Variants in FBXW5 observed in about 807,000 individuals in gnomAD.
The protein encoded by FBXW5 is F-box and WD repeat domain containing 5.
Under a neutral mutation model 50.9 loss-of-function variants are expected in FBXW5, and 74 were observed. That is an observed-to-expected ratio of 1.45 (90% CI 1.20 to 1.76). The LOEUF (loss-of-function observed/expected upper bound fraction) is 1.76. Among genes scored for constraint, FBXW5 ranks in the 40% most tolerant of loss-of-function variants. The probability of loss-of-function intolerance (pLI) is 0.00; values close to 1 mark genes in which losing one functional copy is unlikely to be tolerated. For missense variants in FBXW5, 1,073 were observed against 818.8 expected (o/e 1.31, Z -3.79); for synonymous variants, 523 against 362.2 (o/e 1.44, Z -5.04).
Position 136,943,421 on chromosome 9 carries a change from G to A in FBXW5, c.279C>T (p.Asp93=). The change falls in exon 3 of 9, where the codon GAC becomes GAT. Residue 93 remains aspartate (D), a synonymous_variant. Transcript: ENST00000325285. Reference sequence around the variant, plus strand: ...GGGAGAAGCTGAGGTGCAGGACCTGGTCTGTGTGTTCCCGCAGCGTCTGCA... The same window carrying A: ...GGGAGAAGCTGAGGTGCAGGACCTGATCTGTGTGTTCCCGCAGCGTCTGCA... ...VEVQTLREHT[D]QVLHLSFSHS... 1.9e-6 allele frequency: 3 copies of A among 1,612,912 alleles called. No individual in the cohort carries two copies. The highest frequency in any genetic ancestry group is 2.5e-6 in the Non-Finnish European group (3 of 1,179,980).
rs1303669057 is a variant in FBXW5, at chr9:136,944,475, CCGGCGGGCTCGGGGCGGA to C, written c.-24+101_-24+118del. 9.2e-6 allele frequency: 9 copies of C among 981,970 alleles called. No individual in the cohort carries two copies. The Admixed American group carries it at 1.8e-4, about 20-fold the overall frequency. The allele number at this position is 981,970 out of a possible 1,614,324, so 60.8% of individuals were successfully genotyped here. On this transcript the variant is annotated intron_variant, in intron 1 of 8. Coordinates refer to ENST00000325285, the MANE Select transcript of FBXW5 (RefSeq NM_018998.4). The stretch of plus-strand genomic sequence containing the variant: ...CCCTGCGGCCCTGGAGCAGCTCTGC[CCGGCGGGCTCGGGGCGGA>C]CGGCGGGGACGAGCGCACGGGCGGC...
At position 136,941,684 on chromosome 9, in the gene FBXW5, C is replaced by G; in HGVS notation, c.1097G>C (p.Gly366Ala). ...CTGGTGTGGCAGGATCTGCTTGATG[C>G]CTGCAGGGAGGGCTACGGTGAGGGT... ...GCLTYSPHQI[G>A]IKQILPHQMT... The change falls in exon 7 of 9, where the codon GGC becomes GCC. Residue 366 changes from glycine to alanine, a missense_variant and splice_region_variant. By Grantham distance (60) the Gly-to-Ala change is moderately conservative (BLOSUM62 0). Coordinates refer to ENST00000325285, the MANE Select transcript of FBXW5 (RefSeq NM_018998.4). 6.4e-7 allele frequency: 1 copy of G among 1,555,392 alleles called. No homozygotes were observed. The highest frequency in any genetic ancestry group is 8.7e-7 in the Non-Finnish European group (1 of 1,150,698).
chr9:136,944,433 C>A, intron 1 of FBXW5, 161 bp downstream of exon 1: 1 of 900,410 alleles, frequency 1.1e-6, no homozygotes, highest in Non-Finnish European at 1.3e-6. Flanking sequence ...CTCGGGGCGG[C>A]CAGGCAGTGG....
Position 136,941,177 on chromosome 9 carries a change from G to T in FBXW5, c.1458-6C>A, listed in dbSNP as rs1175592154. The stretch of plus-strand genomic sequence containing the variant: ...CGTGCCGGTCCTCCGCCCCGCTGCA[G>T]AACAGCGCCTGGGTGAGCCGGCCGC... On this transcript the variant is annotated splice_polypyrimidine_tract_variant and splice_region_variant and intron_variant, in intron 8 of 8. Coordinates refer to ENST00000325285, the MANE Select transcript of FBXW5 (RefSeq NM_018998.4). The T allele has an allele frequency of 1.1e-5, 18 of 1,601,868 alleles. No homozygotes were observed. Among genetic ancestry groups the T allele is most frequent in the Non-Finnish European group, 1.5e-5 (18 of 1,176,396 alleles).
chr9:136,943,314 T>G, intron 3 of FBXW5, 35 bp downstream of exon 3: 1 of 1,413,906 alleles, frequency 7.1e-7, no homozygotes, highest in Non-Finnish European at 9.5e-7. Flanking sequence ...GCGGCAGAGC[T>G]GGGTGGGGTG....
rs372544615 is a variant in FBXW5 at position 136,943,457 on chromosome 9, G to A, written c.243C>T (p.Pro81=). The A allele has an allele frequency of 8.1e-6, 13 of 1,612,776 alleles. No individual in the cohort carries two copies. The highest frequency in any genetic ancestry group is 1.7e-4 in the Middle Eastern group (1 of 6,060). Residue 81 remains proline, a synonymous_variant, in exon 3 of 9, where the codon CCC becomes CCT. Transcript: ENST00000325285. The stretch of plus-strand genomic sequence containing the variant: ...CCCGCAGCGTCTGCACCTCCACGCA[G>A]GGCACCGTGTCATACAGCCGCTGGA... ...EEFQRLYDTV[P]CVEVQTLREH...
rs921970066 is a variant in FBXW5, at chr9:136,944,701, G to C, written c.-131C>G. 1.3e-5 allele frequency: 13 copies of C among 985,772 alleles called. No homozygotes were observed. The highest frequency in any genetic ancestry group is 5.2e-4 in the Middle Eastern group (1 of 1,914). 61.1% of individuals were successfully genotyped at this position (985,772 alleles called of 1,614,324 possible). Reference sequence around the variant, plus strand: ...CCCCCGCCCAACGGGGAGCCCGCCAGGCCCGACGCCACGAGCCCCGAGGCA... The same window carrying C: ...CCCCCGCCCAACGGGGAGCCCGCCACGCCCGACGCCACGAGCCCCGAGGCA... On this transcript the variant is annotated 5_prime_UTR_variant, in exon 1 of 9. Transcript: ENST00000325285.
rs768896870 is a variant in FBXW5 at position 136,942,063 on chromosome 9, T to C, written c.1079A>G (p.Tyr360Cys). 19 of 1,608,036 alleles carry C rather than the reference T, an allele frequency of 1.2e-5. No individual in the cohort carries two copies. Among genetic ancestry groups the C allele is most frequent in the South Asian group, 1.1e-5 (1 of 90,734 alleles). Residue 360 changes from tyrosine (Y) to cysteine (C), a missense_variant, in exon 6 of 9, where the codon TAC (tyrosine) becomes TGC (cysteine). Transcript: ENST00000325285. ...GGGTGTACCGATCTGGTGTGGGGAG[T>C]AGGTGAGGCAGCCAGTGGTGAAGAT... ...YLIFTTGCLTYSPHQIGIKQI... is the reference protein window; with the variant it reads ...YLIFTTGCLTCSPHQIGIKQI...
chr9:136,943,881 C>G lies in FBXW5; in HGVS notation c.193+10G>C, dbSNP rs766101143. ...GCAGAACGTGGGTAGGGGCCCCACA[C>G]GCCACTGACCTGGGTGTCGGGGCAC... is the stretch of plus-strand genomic sequence containing the variant. On this transcript the variant is annotated intron_variant, in intron 2 of 8. Coordinates refer to ENST00000325285, the MANE Select transcript of FBXW5 (RefSeq NM_018998.4). 8 of 1,549,090 alleles carry G rather than the reference C, an allele frequency of 5.2e-6. No individual in the cohort carries two copies. The highest frequency in any genetic ancestry group is 1.4e-5 in the African/African-American group (1 of 73,022).
At position 136,943,247 on chromosome 9, in the gene FBXW5, C is replaced by T. The variant is rs1241491903; in HGVS notation, c.351+102G>A. On this transcript the variant is annotated intron_variant, in intron 3 of 8. Transcript: ENST00000325285. Reference sequence around the variant, plus strand: ...GGCTGCTGTCACCTCTGGCCTGACCCACCCCCCCCCCCACCACCACCTGGT... The same window carrying T: ...GGCTGCTGTCACCTCTGGCCTGACCTACCCCCCCCCCCACCACCACCTGGT... 3 of 955,578 alleles carry T rather than the reference C, an allele frequency of 3.1e-6. No homozygotes were observed. The African/African-American group carries it at 6.4e-5, about 20-fold the overall frequency. The allele number at this position is 955,578 out of a possible 1,614,324, so 59.2% of individuals were successfully genotyped here.
rs761384357 is a variant in FBXW5 at position 136,941,663 on chromosome 9, T to A, written c.1118A>T (p.His373Leu). 1 of 1,564,198 alleles carries A rather than the reference T, an allele frequency of 6.4e-7. No individual in the cohort carries two copies. Among genetic ancestry groups the A allele is most frequent in the Non-Finnish European group, 8.7e-7 (1 of 1,155,194 alleles). The change falls in exon 7 of 9, where the codon CAC becomes CTC. Residue 373 changes from histidine to leucine, a missense_variant. By Grantham distance (99) the His-to-Leu change is moderately conservative (BLOSUM62 -3). Transcript: ENST00000325285. ...CACGGGCCCTGCCGTGGTCATCTGG[T>A]GTGGCAGGATCTGCTTGATGCCTGC... is the stretch of plus-strand genomic sequence containing the variant. ...HQIGIKQILP[H>L]QMTTAGPVLG... is the part of the protein sequence containing the mutation.
At position 136,941,008 on chromosome 9, in the gene FBXW5, G is replaced by T; in HGVS notation, c.1621C>A (p.Pro541Thr). Residue 541 changes from proline to threonine, a missense_variant, in exon 9 of 9, where the codon CCA becomes ACA. Physicochemically the swap from Pro to Thr is conservative, Grantham distance 38. Coordinates refer to ENST00000325285, the MANE Select transcript of FBXW5 (RefSeq NM_018998.4). ...DDATIKAWRS[P>T]RTMRVLQAPR... ...GCCTGGAGGACGCGCATGGTGCGTG[G>T]GGAGCGCCAGGCTTTGATGGTGGCG... 1 of 1,553,964 alleles carries T rather than the reference G, an allele frequency of 6.4e-7. No homozygotes were observed.
intron 3 of FBXW5, 120 bp downstream of exon 3, chr9:136,943,229 G>A (rs1850868938): frequency 2.3e-6 from 3 of 1,321,488 alleles, no homozygotes; most frequent in Non-Finnish European, 2.1e-6. Context: ...GGAGGCTGCT[G>A]TCACCTCTGG....
chr9:136,942,309 C>A lies in FBXW5; in HGVS notation c.833G>T (p.Arg278Leu). ...GTTGTCGCTGCCCAGGTCAAAGATG[C>A]GGCAGGGGGACGTGGCCGGGTCACC... is the stretch of plus-strand genomic sequence containing the variant. ...EAGDPATSPC[R>L]IFDLGSDNEE... The change falls in exon 6 of 9, where the codon CGC becomes CTC. Residue 278 changes from arginine (R) to leucine (L), a missense_variant. Physicochemically the swap from Arg to Leu is moderately radical, Grantham distance 102. Transcript: ENST00000325285. The A allele has an allele frequency of 1.9e-6, 3 of 1,595,648 alleles. No homozygotes were observed. Among genetic ancestry groups the A allele is most frequent in the Middle Eastern group, 1.7e-4 (1 of 6,024 alleles).
Position 136,940,995 on chromosome 9 carries a change from C to T in FBXW5, c.1634G>A (p.Arg545His), listed in dbSNP as rs746743621. ...CCGTGGGCGAGGTGCCTGGAGGACG[C>T]GCATGGTGCGTGGGGAGCGCCAGGC... ...IKAWRSPRTMRVLQAPRPRPR... is the reference protein window; with the variant it reads ...IKAWRSPRTMHVLQAPRPRPR... The change falls in exon 9 of 9, where the codon CGC (arginine) becomes CAC (histidine). Residue 545 changes from arginine to histidine, a missense_variant. Arg to His is a conservative substitution (Grantham distance 29). Transcript: ENST00000325285. The T allele has an allele frequency of 1.9e-5, 30 of 1,556,434 alleles. No individual in the cohort carries two copies. Among genetic ancestry groups the T allele is most frequent in the African/African-American group, 2.7e-5 (2 of 73,394 alleles).
At position 136,942,546 on chromosome 9, in the gene FBXW5, C is replaced by G; in HGVS notation, c.675+1G>C. 1 of 1,610,570 alleles carries G rather than the reference C, an allele frequency of 6.2e-7. No homozygotes were observed. Among genetic ancestry groups the G allele is most frequent in the Non-Finnish European group, 8.5e-7 (1 of 1,178,436 alleles). On this transcript the variant is annotated splice_donor_variant, in intron 5 of 8. Transcript: ENST00000325285. LOFTEE classifies it high-confidence loss of function. ...AGCCCCGCCCCTAGCCCCGCACGCA[C>G]CTGGAAGGCATTGTTGAGCCACAGC...
rs113070962 is a variant in FBXW5 at position 136,942,053 on chromosome 9, G to A, written c.1089C>T (p.His363=). ...FTTGCLTYSP[H]QIGIKQILPH... ...ATGGCGGCAGGGGTGTACCGATCTGGTGTGGGGAGTAGGTGAGGCAGCCAG... is the reference window on the plus strand; with the variant it reads ...ATGGCGGCAGGGGTGTACCGATCTGATGTGGGGAGTAGGTGAGGCAGCCAG... The change falls in exon 6 of 9, where the codon CAC becomes CAT. Residue 363 remains histidine, a synonymous_variant. Transcript: ENST00000325285. The A allele has an allele frequency of 8.1e-6, 13 of 1,609,008 alleles. No individual in the cohort carries two copies. Among genetic ancestry groups the A allele is most frequent in the African/African-American group, 2.7e-5 (2 of 74,968 alleles).
In FBXW5 at chr9:136,942,839, T is replaced by C; in HGVS notation, c.456A>G (p.Leu152=). 4 of 1,613,364 alleles carry C rather than the reference T, an allele frequency of 2.5e-6. No homozygotes were observed. The highest frequency in any genetic ancestry group is 2.2e-5 in the South Asian group (2 of 91,084). ...CCAGGAACACCCCCGAGGCCAGCAG[T>C]AGCGAGTCGTCCTTGTTGAACTGGG... ...QFSQFNKDDS[L]LLASGVFLGP... The change falls in exon 4 of 9, where the codon CTA becomes CTG. Residue 152 remains leucine, a synonymous_variant. Transcript: ENST00000325285.
rs945452936 is a variant in FBXW5, at chr9:136,941,592, G to A, written c.1189C>T (p.His397Tyr). 6.2e-7 allele frequency: 1 copy of A among 1,606,824 alleles called. No homozygotes were observed. Among genetic ancestry groups the A allele is most frequent in the Non-Finnish European group, 8.5e-7 (1 of 1,177,406 alleles). The change falls in exon 7 of 9, where the codon CAC (histidine) becomes TAC (tyrosine). Residue 397 changes from histidine to tyrosine, a missense_variant. Coordinates refer to ENST00000325285, the MANE Select transcript of FBXW5 (RefSeq NM_018998.4). ...GSDAFFDALD[H>Y]VIDIHGHIIG... ...ATGTGTCCGTGTATGTCTATGACGT[G>A]GTCCAGCGCGTCGAAGAAGGCATCG...
Sources: allele counts gnomAD v4.1 joint callset, GRCh38; gene constraint gnomAD v4.1.1; transcripts MANE v1.5; gene names NCBI Gene and HGNC (gene_info 2026-07-23, HGNC 2026-07-21).